The following FMNL1 variants were observed in gnomAD, a reference collection of about 807,000 sequenced individuals.
The protein encoded by FMNL1 is formin like 1.
A neutral mutation model predicts 121.3 loss-of-function variants in FMNL1; 43 were observed. The observed-to-expected ratio is 0.35, with a 90% confidence interval of 0.28 to 0.46. The LOEUF is 0.46. FMNL1 is among the 20% of genes least tolerant of loss of function. The pLI, the probability that FMNL1 is intolerant of heterozygous loss-of-function variation, is 1.00. For missense variants in FMNL1, 1,191 were observed against 1,482.4 expected, an observed-to-expected ratio of 0.80 and a Z score of 3.23; for synonymous variants, 613 against 613.5, an observed-to-expected ratio of 1.00 and a Z score of 0.01.
At chr17:45,245,471 A>G in intron 22 of FMNL1, 55 bp downstream of exon 22, 2 of 1,612,356 alleles carry the variant, frequency 1.2e-6, no homozygotes, top group Non-Finnish European at 1.7e-6. Flanking sequence ...ACTAGATAGC[A>G]CAGCCTGGAG....
At chr17:45,234,253 A>G (rs9898221) in intron 6 of FMNL1, 53 bp downstream of exon 6, 98,742 of 1,612,442 alleles carry the variant, frequency 0.061, 3,307 homozygotes, top group Admixed American at 0.11. Flanking sequence ...CAGCCCCCAC[A>G]CTGCTGCATC....
At chr17:45,230,560 G>C (rs1457096113) in intron 1 of FMNL1, 44 bp from the exon 2 acceptor site, 2 of 1,606,746 alleles carry the variant, frequency 1.2e-6, no homozygotes, top group African/African-American at 2.7e-5. Context: ...CTCTCCCCTT[G>C]TTGGGGCCCC....
chr17:45,234,404 C>A, intron 6 of FMNL1: 2 of 778,888 alleles, frequency 2.6e-6, no homozygotes, highest in South Asian at 1.7e-5. Flanking sequence ...GTGGCTCATG[C>A]CTGTAATCCC....
rs1406432217 is a variant in FMNL1, at chr17:45,233,597, TG to T, written c.402-47del. 5.0e-6 allele frequency: 8 copies of T among 1,604,680 alleles called. No homozygotes were observed. Among genetic ancestry groups the T allele is most frequent in the African/African-American group, 1.3e-5 (1 of 74,750 alleles). ...TTGCTGTCCCTGTTCTGTGCCCATG[TG>T]GGGCAGGACCTCCTTTCTGGCTGGA... On this transcript the variant is annotated intron_variant, in intron 4 of 26. Coordinates refer to ENST00000331495, the MANE Select transcript of FMNL1 (RefSeq NM_005892.4). This position sits in a 1 kb window ranked among gnomAD's most constrained non-coding sequence, Gnocchi z 4.1.
chr17:45,228,428 G>C (rs1301719337), intron 1 of FMNL1, among the ~76,000 whole-genome samples: 2 of 152,220 alleles, frequency 1.3e-5, no homozygotes, highest in Admixed American at 1.3e-4. Flanking sequence ...TGTCCTGGGG[G>C]AGTGGACCCA....
intron 26 of FMNL1, 35 bp downstream of exon 26, chr17:45,246,639 C>T (rs747874633): frequency 1.9e-5 from 30 of 1,549,890 alleles, no homozygotes; most frequent in Non-Finnish European, 2.5e-5. Flanking sequence ...TACCACGCTG[C>T]CCACAGCCCC....
At chr17:45,225,457 G>C (rs1049442135) in intron 1 of FMNL1, among the ~76,000 whole-genome samples, 2 of 152,222 alleles carry the variant, frequency 1.3e-5, no homozygotes, top group African/African-American at 4.8e-5. Flanking sequence ...TCTCCGGGGG[G>C]ATGTGGCCAT....
Position 45,241,209 on chromosome 17 carries a change from C to T in FMNL1, c.1311C>T (p.Arg437=). 6.2e-7 allele frequency: 1 copy of T among 1,614,138 alleles called. No homozygotes were observed. The highest frequency in any genetic ancestry group is 8.5e-7 in the Non-Finnish European group (1 of 1,180,006). Reference sequence around the variant, plus strand: ...TGGAAAAACAGCTAAGCCAGGCGCGCAAGGAGTTGGAGACCCTGCGGGTGA... The same window carrying T: ...TGGAAAAACAGCTAAGCCAGGCGCGTAAGGAGTTGGAGACCCTGCGGGTGA... ...AELEKQLSQA[R]KELETLRERF... Residue 437 remains arginine, a synonymous_variant, in exon 13 of 27, where the codon CGC becomes CGT. Transcript: ENST00000331495. This position sits in a 1 kb window ranked among gnomAD's most constrained non-coding sequence, Gnocchi z 7.0.
At chr17:45,245,147 G>A (rs780737124) in intron 21 of FMNL1, 39 bp downstream of exon 21, 9 of 1,610,280 alleles carry the variant, frequency 5.6e-6, no homozygotes, top group Admixed American at 1.7e-5. Flanking sequence ...GGGAGGGGCC[G>A]TGGGCTGGGG....
At position 45,236,202 on chromosome 17, in the gene FMNL1, C is replaced by T. The variant is rs747529739; in HGVS notation, c.681C>T (p.Val227=). The change falls in exon 7 of 27, where the codon GTC becomes GTT. Residue 227 remains valine, a synonymous_variant. Transcript: ENST00000331495. ...GCATCGTCAGCCAGAAGGACGACGT[C>T]CACGTCTGTATTATGTGCCTACGCG... The part of the protein sequence containing the change: ...NSRIVSQKDD[V]HVCIMCLRAI... 8.1e-6 allele frequency: 13 copies of T among 1,613,936 alleles called. No homozygotes were observed. The highest frequency in any genetic ancestry group is 1.1e-5 in the Non-Finnish European group (13 of 1,180,036).
intron 1 of FMNL1, 117 bp downstream of exon 1, chr17:45,222,370 G>C: frequency 1.1e-6 from 1 of 878,316 alleles, no homozygotes; most frequent in Non-Finnish European, 1.4e-6. Context: ...TCCCCGGTCC[G>C]GCAGCTGCCC....
At chr17:45,223,240 C>G (rs1484447328) in intron 1 of FMNL1, among the ~76,000 whole-genome samples, 3 of 152,232 alleles carry the variant, frequency 2.0e-5, no homozygotes, top group African/African-American at 4.8e-5. Context: ...CTCCCAGATG[C>G]ATTTCCCAGT....
Position 45,246,930 on chromosome 17 carries a change from C to A in FMNL1, c.*72C>A. 1 of 757,960 alleles carries A rather than the reference C, an allele frequency of 1.3e-6. No homozygotes were observed. Among genetic ancestry groups the A allele is most frequent in the African/African-American group, 1.7e-5 (1 of 59,182 alleles). The allele number at this position is 757,960 out of a possible 1,614,324, so 47.0% of individuals were successfully genotyped here. ...CGCCGCAGTGCCCGTCGGCGTCCCC[C>A]GGGCCCCCCACTGCAGGTCACCTCC... On this transcript the variant is annotated 3_prime_UTR_variant, in exon 27 of 27. Coordinates refer to ENST00000331495, the MANE Select transcript of FMNL1 (RefSeq NM_005892.4).
At chr17:45,240,402 AG>A (rs2043658709) in intron 11 of FMNL1, 73 bp from the exon 12 acceptor site, 7 of 1,473,568 alleles carry the variant, frequency 4.8e-6, no homozygotes, top group Admixed American at 4.5e-5. Context: ...CAGTGGTGGC[AG>A]GGGGGTGGTT....
At chr17:45,227,233 G>T (rs752362703) in intron 1 of FMNL1, among the ~76,000 whole-genome samples, 2 of 152,182 alleles carry the variant, frequency 1.3e-5, no homozygotes, top group Non-Finnish European at 2.9e-5. Flanking sequence ...TGAGACGTAG[G>T]CTCCGCTCAA....
At chr17:45,242,574 G>C in intron 16 of FMNL1, 109 bp downstream of exon 16, 1 of 1,466,994 alleles carries the variant, frequency 6.8e-7, no homozygotes, top group African/African-American at 1.4e-5. Context: ...TTTCACAGAT[G>C]AGGAGGGGGA....
In FMNL1 at chr17:45,237,238, G is replaced by T. The variant is rs780195441; in HGVS notation, c.724-43G>T. On this transcript the variant is annotated intron_variant, in intron 7 of 26. Transcript: ENST00000331495. This position sits in a 1 kb window ranked among gnomAD's most constrained non-coding sequence, Gnocchi z 4.4. ...ACGTGGCGTGGGTGCCTGAAGTCCT[G>T]GGGGGCCCTTCCTGGAGACACTGAC... The T allele has an allele frequency of 2.5e-6, 4 of 1,598,260 alleles. No individual in the cohort carries two copies. Among genetic ancestry groups the T allele is most frequent in the Non-Finnish European group, 3.4e-6 (4 of 1,165,978 alleles).
Position 45,232,420 on chromosome 17 carries a change from C to T in FMNL1, c.267C>T (p.Ser89=). 1 of 1,614,002 alleles carries T rather than the reference C, an allele frequency of 6.2e-7. No individual in the cohort carries two copies. Among genetic ancestry groups the T allele is most frequent in the Non-Finnish European group, 8.5e-7 (1 of 1,179,950 alleles). Residue 89 remains serine (S), a synonymous_variant, in exon 3 of 27, where the codon AGC becomes AGT. Transcript: ENST00000331495. ...PPAAYIQKLK[S]YVDTGGVSRK... ...CAGCCTACATCCAGAAGCTGAAGAG[C>T]TATGTGGATACTGGTGGGGTCAGCC...
intron 1 of FMNL1, among the ~76,000 whole-genome samples, chr17:45,229,129 G>A (rs781349755): frequency 6.6e-5 from 10 of 152,170 alleles, no homozygotes; most frequent in Non-Finnish European, 1.2e-4. Flanking sequence ...ATGAGACAGC[G>A]GTGGTTTCCT....
Sources: gnomAD v4.1 joint callset for allele counts (sites outside exome capture counted in the v4.1 genomes callset) on GRCh38, gnomAD v4.1.1 for gene constraint, Gnocchi (gnomAD v3.1) non-coding constraint, MANE v1.5 for transcripts, NCBI Gene and HGNC (gene_info 2026-07-23, HGNC 2026-07-21) for gene names.